Variants in PRICKLE2 observed in about 807,000 individuals in gnomAD.
PRICKLE2 encodes the protein prickle-like protein 2.
PRICKLE2 carries 21 observed loss-of-function variants against 81.4 expected under a neutral mutation model. The observed-to-expected ratio is 0.26, with a 90% CI of 0.18 to 0.37. PRICKLE2 has a LOEUF of 0.37. Among genes scored for constraint, PRICKLE2 ranks in the 10% least tolerant of loss-of-function variants. PRICKLE2 has a pLI of 1.00. For missense variants in PRICKLE2, 940 were observed against 1,109.0 expected, an observed-to-expected ratio of 0.85 and a Z score of 2.16; for synonymous variants, 456 against 421.5, an observed-to-expected ratio of 1.08 and a Z score of -1.00.
intron 2 of PRICKLE2, among the ~76,000 whole-genome samples, chr3:64,238,369 T>G (rs1198143125): frequency 1.3e-5 from 2 of 151,380 alleles, no homozygotes; most frequent in Non-Finnish European, 2.9e-5. Context: ...CTGCCTGTAG[T>G]CCCAGCTACT....
intron 3 of PRICKLE2, among the ~76,000 whole-genome samples, chr3:64,162,219 T>C (rs2077747076): frequency 6.6e-6 from 1 of 152,138 alleles, no homozygotes; most frequent in Non-Finnish European, 1.5e-5. Flanking sequence ...AATTAAAAAT[T>C]ACATTTTTGT....
chr3:64,215,172 T>C (rs1357191321), intron 1 of PRICKLE2, among the ~76,000 whole-genome samples: 1 of 152,132 alleles, frequency 6.6e-6, no homozygotes, highest in Non-Finnish European at 1.5e-5. Context: ...TACAAGACCC[T>C]ATATAACCTG....
chr3:64,127,524 T>C (rs1029822946), intron 7 of PRICKLE2, among the ~76,000 whole-genome samples: 4 of 152,124 alleles, frequency 2.6e-5, no homozygotes, highest in Admixed American at 6.5e-5. Context: ...TCATTCTCAT[T>C]TTTTCAAAAG....
At chr3:64,246,607 C>T (rs1483793705) in intron 2 of PRICKLE2, among the ~76,000 whole-genome samples, 1 of 152,104 alleles carries the variant, frequency 6.6e-6, no homozygotes, top group Non-Finnish European at 1.5e-5. Flanking sequence ...TGGACCAAAC[C>T]CCAATGTGTT....
intron 7 of PRICKLE2, among the ~76,000 whole-genome samples, chr3:64,132,417 T>A (rs2077209938): frequency 1.3e-5 from 2 of 152,190 alleles, no homozygotes; most frequent in African/African-American, 4.8e-5. Flanking sequence ...GCAGCTTGGC[T>A]GCAGCATTCT....
At position 64,218,147 on chromosome 3, in the gene PRICKLE2, C is replaced by T. The variant is rs1385541320; in HGVS notation, c.-41+6763G>A. Among the ~76,000 whole-genome samples, 3 of 152,106 alleles carry T rather than the reference C, an allele frequency of 2.0e-5. No individual in the cohort carries two copies. In the East Asian group the frequency reaches 5.8e-4, roughly 29 times the overall value. ...AGCCAAAACCTCAGTTAACCAGAAC[C>T]CCTCATTCCCCAGAATACTCCTTTC... On this transcript the variant is annotated intron_variant, in intron 1 of 7. Coordinates refer to ENST00000638394, the MANE Select transcript of PRICKLE2 (RefSeq NM_198859.4).
At chr3:64,184,322 A>G (rs2078184769) in intron 2 of PRICKLE2, among the ~76,000 whole-genome samples, 1 of 152,218 alleles carries the variant, frequency 6.6e-6, no homozygotes, top group Non-Finnish European at 1.5e-5. Flanking sequence ...AATCATAAAT[A>G]TAGCTGGACA....
At chr3:64,218,563 C>G (rs2078906643) in intron 1 of PRICKLE2, among the ~76,000 whole-genome samples, 1 of 152,288 alleles carries the variant, frequency 6.6e-6, no homozygotes, top group Admixed American at 6.5e-5. Flanking sequence ...ACCCTTCCTC[C>G]TAATTCAAGG....
chr3:64,259,249 TA>T, intron 2 of PRICKLE2, among the ~76,000 whole-genome samples: 1 of 152,218 alleles, frequency 6.6e-6, no homozygotes. Context: ...GTAGTAAAAA[TA>T]TATAACAGTA....
At chr3:64,243,125 A>G (rs1232566959) in intron 2 of PRICKLE2, among the ~76,000 whole-genome samples, 1 of 152,220 alleles carries the variant, frequency 6.6e-6, no homozygotes, top group Non-Finnish European at 1.5e-5. Flanking sequence ...CATGTGTGCA[A>G]AAACTCTAAA....
At chr3:64,241,892 A>C (rs1191121971) in intron 2 of PRICKLE2, among the ~76,000 whole-genome samples, 1 of 152,174 alleles carries the variant, frequency 6.6e-6, no homozygotes, top group Non-Finnish European at 1.5e-5. Context: ...TACAAAACAA[A>C]ACCCACCAGG....
chr3:64,142,062 A>G, intron 7 of PRICKLE2: 1 of 444,028 alleles, frequency 2.3e-6, no homozygotes, highest in Non-Finnish European at 3.0e-6. Flanking sequence ...AAAAACACCA[A>G]CTTTCCAAGT....
rs569896996 is a variant in PRICKLE2 at position 64,259,723 on chromosome 3, G to T, written c.129-60756C>A. ...AGAGGCAGAGGGAAATTTGACACATGCACAGAGGGGAAAGCAATGTGAAGA... is the reference window on the plus strand; with the variant it reads ...AGAGGCAGAGGGAAATTTGACACATTCACAGAGGGGAAAGCAATGTGAAGA... On this transcript the variant is annotated intron_variant, in intron 2 of 8. Coordinates refer to the PRICKLE2 transcript ENST00000295902. 2.2e-4 allele frequency among the ~76,000 whole-genome samples: 34 copies of T among 152,252 alleles called. 1 individual carries two copies. In the South Asian group the frequency reaches 6.2e-3, roughly 28 times the overall value.
chr3:64,256,729 C>T (rs2079530069), intron 2 of PRICKLE2, among the ~76,000 whole-genome samples: 2 of 152,146 alleles, frequency 1.3e-5, no homozygotes, highest in African/African-American at 4.8e-5. Context: ...CCAGAGTCAA[C>T]CTCACCCCTT....
chr3:64,233,048 A>C (rs1245803898), intron 2 of PRICKLE2, among the ~76,000 whole-genome samples: 1 of 152,238 alleles, frequency 6.6e-6, no homozygotes, highest in Non-Finnish European at 1.5e-5. Context: ...ATTGTAACAG[A>C]GAACGTACAG....
In PRICKLE2 at chr3:64,250,137, G is replaced by A. The variant is rs751160114; in HGVS notation, c.129-51170C>T. On this transcript the variant is annotated intron_variant, in intron 2 of 8. Transcript: ENST00000295902. ...CAGCAAGCTTCCTGGAAGGTTATGA[G>A]AGTCAGCCTTTTATCAGGCCTGCAA... is the stretch of plus-strand genomic sequence containing the variant. Among the ~76,000 whole-genome samples, 4 of 152,182 alleles carry A rather than the reference G, an allele frequency of 2.6e-5. No homozygotes were observed. The East Asian group carries it at 5.8e-4, about 22-fold the overall frequency.
intron 2 of PRICKLE2, among the ~76,000 whole-genome samples, chr3:64,254,668 A>G (rs922062559): frequency 1.3e-5 from 2 of 152,248 alleles, no homozygotes; most frequent in African/African-American, 4.8e-5. Context: ...ATCAAATGTC[A>G]TCACCTCTCG....
At chr3:64,142,746 G>T (rs556133881) in intron 7 of PRICKLE2, among the ~76,000 whole-genome samples, 1 of 152,156 alleles carries the variant, frequency 6.6e-6, no homozygotes, top group Non-Finnish European at 1.5e-5. Flanking sequence ...ATAAAAAGTC[G>T]CAGGTAACCA....
At chr3:64,120,826 T>C (rs2077012775) in intron 7 of PRICKLE2, among the ~76,000 whole-genome samples, 1 of 152,154 alleles carries the variant, frequency 6.6e-6, no homozygotes, top group African/African-American at 2.4e-5. Flanking sequence ...CTAGGGAACC[T>C]CAGGAATAGG....
Sources: gnomAD v4.1 joint callset for allele counts (sites outside exome capture counted in the v4.1 genomes callset) on GRCh38, gnomAD v4.1.1 for gene constraint, MANE v1.5 for transcripts, NCBI Gene and HGNC (gene_info 2026-07-23, HGNC 2026-07-21) for gene names.